The following SLC9B1 variants were observed in gnomAD, a reference collection of about 807,000 sequenced individuals.
SLC9B1 encodes the protein sodium/hydrogen exchanger 9B1.
In SLC9B1, 32 loss-of-function variants were observed where a neutral mutation model predicts 51.7. That is an observed-to-expected ratio of 0.62 (90% CI 0.47 to 0.83). The LOEUF is 0.83. Ranked by LOEUF, SLC9B1 falls within the 40% of genes least tolerant of loss-of-function variation. The probability of loss-of-function intolerance (pLI) is 0.00; values close to 1 mark genes in which losing one functional copy is unlikely to be tolerated. For synonymous variants in SLC9B1, 145 were observed against 212.7 expected (o/e 0.68, Z 2.77); for missense variants, 406 against 613.2 (o/e 0.66, Z 3.57).
Position 102,937,618 on chromosome 4 carries a change from G to A in SLC9B1, c.654-5319C>T, listed in dbSNP as rs1231331814. 4.7e-5 allele frequency among the ~76,000 whole-genome samples: 7 copies of A among 149,322 alleles called. No individual in the cohort carries two copies. The East Asian group carries it at 1.2e-3, about 26-fold the overall frequency. The stretch of plus-strand genomic sequence containing the variant: ...TGCGTGTCTGTAGTCCCAGCTACTC[G>A]GGAGGCTGAGGCAGGAGAATCACTT... On this transcript the variant is annotated intron_variant, in intron 6 of 11. Coordinates refer to ENST00000296422, the MANE Select transcript of SLC9B1 (RefSeq NM_139173.4).
intron 3 of SLC9B1, among the ~76,000 whole-genome samples, chr4:102,984,951 G>T (rs1194757536): frequency 1.3e-5 from 2 of 152,078 alleles, no homozygotes; most frequent in Non-Finnish European, 2.9e-5. Context: ...GAGTAGCTGG[G>T]ACTAAAGATG....
chr4:102,912,562 G>T lies in SLC9B1; in HGVS notation c.830-1025C>A, dbSNP rs201270259. On this transcript the variant is annotated intron_variant, in intron 7 of 11. Transcript: ENST00000296422. ...GTAGTGGATTCAATATAGTAAGTAA[G>T]TATATTTTTAGACATATTTTCTACT... 5.9e-5 allele frequency among the ~76,000 whole-genome samples: 9 copies of T among 152,280 alleles called. No homozygotes were observed. The East Asian group carries it at 1.7e-3, about 29-fold the overall frequency.
chr4:102,910,411 T>A (rs908967039), intron 9 of SLC9B1, 28 bp downstream of exon 9: 2 of 1,520,160 alleles, frequency 1.3e-6, no homozygotes, highest in African/African-American at 2.9e-5. Flanking sequence ...TTTTAGCTTT[T>A]AAAATATAGC....
chr4:103,002,587 T>C (rs1267460085), intron 1 of SLC9B1, among the ~76,000 whole-genome samples: 6 of 151,710 alleles, frequency 4.0e-5, no homozygotes, highest in Admixed American at 1.3e-4. Context: ...TAAAAAAGAG[T>C]CTTAAGAAAA....
chr4:102,911,528 A>C lies in SLC9B1; in HGVS notation c.839T>G (p.Leu280Arg). Reference sequence around the variant, plus strand: ...CCTTATAGAGGCTATGGCGTTATTAAGTATACCACCTGTAGGGGCACACAA... The same window carrying C: ...CCTTATAGAGGCTATGGCGTTATTACGTATACCACCTGTAGGGGCACACAA... ...LSIVFSSGGI[L>R]NNAIASIRNV... The change falls in exon 8 of 12, where the codon CTT (leucine) becomes CGT (arginine). Residue 280 changes from leucine (L) to arginine (R), a missense_variant. Physicochemically the swap from Leu to Arg is moderately radical, Grantham distance 102. Transcript: ENST00000296422. The C allele has an allele frequency of 2.5e-6, 4 of 1,593,580 alleles. No individual in the cohort carries two copies. Among genetic ancestry groups the C allele is most frequent in the Non-Finnish European group, 3.4e-6 (4 of 1,176,826 alleles).
At chr4:102,975,970 G>T (rs1220458074) in intron 3 of SLC9B1, among the ~76,000 whole-genome samples, 1 of 152,062 alleles carries the variant, frequency 6.6e-6, no homozygotes, top group Non-Finnish European at 1.5e-5. Flanking sequence ...AAAAGGCCCA[G>T]GTCTAAGTCC....
chr4:102,994,477 C>T (rs1490961848), intron 1 of SLC9B1, among the ~76,000 whole-genome samples: 2 of 152,298 alleles, frequency 1.3e-5, no homozygotes, highest in East Asian at 3.9e-4. Flanking sequence ...TCCACACTTT[C>T]CCACATCTTC....
intron 7 of SLC9B1, 55 bp from the exon 8 acceptor site, chr4:102,911,592 A>C: frequency 1.8e-6 from 2 of 1,124,546 alleles, no homozygotes; most frequent in South Asian, 2.7e-5. Flanking sequence ...CACATACACT[A>C]CACATCAGAA....
At chr4:102,966,432 T>C (rs1488621164) in intron 3 of SLC9B1, among the ~76,000 whole-genome samples, 1 of 152,240 alleles carries the variant, frequency 6.6e-6, no homozygotes, top group African/African-American at 2.4e-5. Flanking sequence ...TCCAGAGTGC[T>C]GTCATGAGCT....
At chr4:102,940,334 CG>C (rs1578364728) in intron 6 of SLC9B1, among the ~76,000 whole-genome samples, 1 of 151,998 alleles carries the variant, frequency 6.6e-6, no homozygotes, top group Admixed American at 6.6e-5. Flanking sequence ...AAATTACAAA[CG>C]AGTGCTCAAA....
intron 7 of SLC9B1, among the ~76,000 whole-genome samples, chr4:102,921,615 C>T (rs184733733): frequency 1.0e-3 from 153 of 152,250 alleles, no homozygotes; most frequent in African/African-American, 3.3e-3. Context: ...CACAGACTGG[C>T]AAACTGGATA....
At chr4:102,976,277 A>G (rs2110505036) in intron 3 of SLC9B1, among the ~76,000 whole-genome samples, 1 of 152,354 alleles carries the variant, frequency 6.6e-6, no homozygotes, top group African/African-American at 2.4e-5. Context: ...TTACTAGCCT[A>G]CGTAATATTC....
chr4:102,974,121 C>T (rs1032911715), intron 3 of SLC9B1, among the ~76,000 whole-genome samples: 1 of 151,472 alleles, frequency 6.6e-6, no homozygotes, highest in Non-Finnish European at 1.5e-5. Flanking sequence ...CCTATAATCC[C>T]AGCTACTCAG....
At chr4:102,984,721 T>C (rs1030028181) in intron 3 of SLC9B1, among the ~76,000 whole-genome samples, 5 of 152,246 alleles carry the variant, frequency 3.3e-5, no homozygotes, top group Non-Finnish European at 5.9e-5. Flanking sequence ...CTGATGATAC[T>C]GTTGAGTTCA....
chr4:103,011,869 C>T (rs1025174960), intron 1 of SLC9B1, among the ~76,000 whole-genome samples: 23 of 152,242 alleles, frequency 1.5e-4, no homozygotes, highest in African/African-American at 5.5e-4. Flanking sequence ...CCCTGAAGGC[C>T]CTGGCACTCT....
At chr4:102,969,746 G>A (rs912267219) in intron 3 of SLC9B1, among the ~76,000 whole-genome samples, 1 of 152,192 alleles carries the variant, frequency 6.6e-6, no homozygotes, top group South Asian at 2.1e-4. Context: ...CTTGAACAAC[G>A]ATTAGATGAA....
rs1325078404 is a variant in SLC9B1, at chr4:102,989,830, T to C, written c.181A>G (p.Arg61Gly). ...GTAATAATTACATTCAATACTCCTCTTAGAGGACAAGAAATGTATGTCTCC... is the reference window on the plus strand; with the variant it reads ...GTAATAATTACATTCAATACTCCTCCTAGAGGACAAGAAATGTATGTCTCC... ...KKETYISCPL[R>G]GVLNVIITNG... is the part of the protein sequence containing the mutation. The change falls in exon 3 of 12, where the codon AGA becomes GGA. Residue 61 changes from arginine (R) to glycine (G), a missense_variant. By Grantham distance (125) the Arg-to-Gly change is moderately radical. Coordinates refer to ENST00000296422, the MANE Select transcript of SLC9B1 (RefSeq NM_139173.4). 1.3e-6 allele frequency: 2 copies of C among 1,598,128 alleles called. No homozygotes were observed. The highest frequency in any genetic ancestry group is 2.2e-5 in the South Asian group (2 of 89,184).
intron 7 of SLC9B1, among the ~76,000 whole-genome samples, chr4:102,920,441 AAGGAT>A (rs1330414281): frequency 3.3e-5 from 5 of 152,242 alleles, no homozygotes; most frequent in African/African-American, 1.2e-4. Flanking sequence ...ATAAAACCAA[AAGGAT>A]AGGGATAAAC....
At chr4:102,993,166 T>C (rs747474259) in intron 1 of SLC9B1, among the ~76,000 whole-genome samples, 6 of 152,274 alleles carry the variant, frequency 3.9e-5, no homozygotes, top group South Asian at 2.1e-4. Flanking sequence ...AAGTCTTAAC[T>C]AATTCCAGCA....
Sources: allele counts gnomAD v4.1 joint callset (sites outside exome capture counted in the v4.1 genomes callset), GRCh38; gene constraint gnomAD v4.1.1; transcripts MANE v1.5; gene names NCBI Gene and HGNC (gene_info 2026-07-23, HGNC 2026-07-21).